The following CCDC50 variants were observed in gnomAD, a reference collection of about 807,000 sequenced individuals.
The protein encoded by CCDC50 is coiled-coil domain containing 50.
A neutral mutation model predicts 70.2 loss-of-function variants in CCDC50; 54 were observed. The ratio of observed to expected loss-of-function variants is 0.77; its 90% confidence interval spans 0.62 to 0.96. CCDC50 has a LOEUF of 0.96. CCDC50 is among the 50% of genes least tolerant of loss of function. The pLI, the probability that CCDC50 is intolerant of heterozygous loss-of-function variation, is 0.00. For missense variants in CCDC50, 558 were observed against 578.7 expected (o/e 0.96, Z 0.37); for synonymous variants, 216 against 198.8 (o/e 1.09, Z -0.73).
Position 191,397,174 on chromosome 3 carries a change from A to C in CCDC50, c.*5414A>C, listed in dbSNP as rs1318581522. On this transcript the variant is annotated 3_prime_UTR_variant, in exon 12 of 12. Transcript: ENST00000392455. ...ATCAAGTAAGGAGTAAGAACAAGTA[A>C]GGGAAGACAGCTAAGAGAACATACT... 1 of 152,218 alleles carries C rather than the reference A, an allele frequency of 6.6e-6. No individual in the cohort carries two copies. Among genetic ancestry groups the C allele is most frequent in the Non-Finnish European group, 1.5e-5 (1 of 68,040 alleles). 9.4% of individuals were successfully genotyped at this position (152,218 alleles called of 1,614,324 possible).
At chr3:191,367,654 C>T (rs778872815) in intron 4 of CCDC50, among the ~76,000 whole-genome samples, 7 of 151,912 alleles carry the variant, frequency 4.6e-5, no homozygotes, top group Admixed American at 1.3e-4. Context: ...TTAATAAAGC[C>T]GTGTCTACCA....
chr3:191,335,925 C>T (rs561178138), intron 1 of CCDC50, among the ~76,000 whole-genome samples: 7 of 150,390 alleles, frequency 4.7e-5, no homozygotes, highest in Non-Finnish European at 8.9e-5. Flanking sequence ...CTTCTCAACC[C>T]CCGTTTCATG....
chr3:191,334,006 G>A (rs1718066441), intron 1 of CCDC50, among the ~76,000 whole-genome samples: 1 of 151,994 alleles, frequency 6.6e-6, no homozygotes, highest in African/African-American at 2.4e-5. Flanking sequence ...TAGAATTTTA[G>A]TAAAATTTTC....
At chr3:191,365,805 C>A (rs911594478) in intron 4 of CCDC50, among the ~76,000 whole-genome samples, 1 of 152,044 alleles carries the variant, frequency 6.6e-6, no homozygotes, top group African/African-American at 2.4e-5. Context: ...ACTCTCTATC[C>A]CTTATACATT....
intron 5 of CCDC50, among the ~76,000 whole-genome samples, chr3:191,370,762 TAC>T (rs1234048561): frequency 6.6e-6 from 1 of 152,144 alleles, no homozygotes; most frequent in African/African-American, 2.4e-5. Flanking sequence ...GTGCTGGGAT[TAC>T]AGATGTGAGC....
chr3:191,344,167 C>T (rs1576951003), intron 1 of CCDC50, among the ~76,000 whole-genome samples: 1 of 152,224 alleles, frequency 6.6e-6, no homozygotes, highest in South Asian at 2.1e-4. Flanking sequence ...TGCATGCATG[C>T]ACATGCAGAA....
At chr3:191,340,783 A>G (rs767950012) in intron 1 of CCDC50, among the ~76,000 whole-genome samples, 21 of 152,204 alleles carry the variant, frequency 1.4e-4, no homozygotes, top group Non-Finnish European at 2.9e-4. Context: ...TTAGACGTGC[A>G]GTAAACTATT....
chr3:191,389,674 T>C (rs1213687964), intron 11 of CCDC50, 72 bp downstream of exon 11: 26 of 1,148,558 alleles, frequency 2.3e-5, no homozygotes, highest in Non-Finnish European at 3.3e-5. Context: ...AGTGGAAAAA[T>C]CAAATTCTGT....
chr3:191,349,966 A>AACCCCCC (rs1712048855), intron 1 of CCDC50, among the ~76,000 whole-genome samples: 1 of 105,618 alleles, frequency 9.5e-6, no homozygotes, highest in African/African-American at 3.1e-5. Context: ...ATTTAATAAT[A>AACCCCCC]CCCCCCCCCT....
In CCDC50 at chr3:191,329,722, A is replaced by G. The variant is rs200522442; in HGVS notation, c.48A>G (p.Glu16=). The G allele has an allele frequency of 5.2e-5, 83 of 1,609,500 alleles. No homozygotes were observed. The East Asian group carries it at 1.6e-3, about 30-fold the overall frequency. Residue 16 remains glutamate, a splice_region_variant and synonymous_variant, in exon 1 of 12, where the codon GAA becomes GAG. Coordinates refer to ENST00000392455, the MANE Select transcript of CCDC50 (RefSeq NM_178335.3). ...AGTCCAAGCTGCCTGGAGTCAAGGA[A>G]GGTAAGGGCCCCGGAGGGAGAGCGC... ...IDQSKLPGVK[E]VCRDFAVLED...
At chr3:191,387,523 T>C (rs1713537320) in intron 10 of CCDC50, among the ~76,000 whole-genome samples, 1 of 149,810 alleles carries the variant, frequency 6.7e-6, no homozygotes, top group Non-Finnish European at 1.5e-5. Flanking sequence ...ATTTGTTCTC[T>C]ATGTAACCTG....
intron 4 of CCDC50, among the ~76,000 whole-genome samples, chr3:191,366,721 A>T (rs755755914): frequency 2.6e-5 from 4 of 151,980 alleles, no homozygotes; most frequent in Non-Finnish European, 4.4e-5. Flanking sequence ...ATGCATCTTA[A>T]AGAGTTATAT....
chr3:191,332,953 T>G (rs1376894184), intron 1 of CCDC50, among the ~76,000 whole-genome samples: 2 of 152,242 alleles, frequency 1.3e-5, no homozygotes, highest in Non-Finnish European at 2.9e-5. Flanking sequence ...TTACCACTTT[T>G]AGCCATGCAG....
chr3:191,346,097 C>T (rs188922624), intron 1 of CCDC50, among the ~76,000 whole-genome samples: 15 of 152,158 alleles, frequency 9.9e-5, no homozygotes, highest in African/African-American at 2.9e-4. Flanking sequence ...GGAAGATTGT[C>T]GACAAATTTG....
At position 191,380,943 on chromosome 3, in the gene CCDC50, TTTTG is replaced by T; in HGVS notation, c.1242+19_1242+22del. On this transcript the variant is annotated intron_variant, in intron 9 of 11. Transcript: ENST00000392455. ...GACCCCGAGTGGAAGGTAGAGTGTG[TTTTG>T]TTTGTTTTCTAATTAGAAATAAAAT... 2.5e-6 allele frequency: 4 copies of T among 1,598,786 alleles called. No homozygotes were observed. The highest frequency in any genetic ancestry group is 3.4e-6 in the Non-Finnish European group (4 of 1,169,504).
At chr3:191,366,186 C>T (rs1712682656) in intron 4 of CCDC50, among the ~76,000 whole-genome samples, 1 of 152,076 alleles carries the variant, frequency 6.6e-6, no homozygotes, top group Admixed American at 6.5e-5. Context: ...AAGATAAGAA[C>T]GTTAATGATA....
chr3:191,366,612 A>T (rs1712698163), intron 4 of CCDC50, among the ~76,000 whole-genome samples: 1 of 152,132 alleles, frequency 6.6e-6, no homozygotes, highest in Admixed American at 6.6e-5. Flanking sequence ...GAGTTTTTTT[A>T]AAATGTGAAC....
chr3:191,347,719 A>G (rs1337584737), intron 1 of CCDC50, among the ~76,000 whole-genome samples: 1 of 141,948 alleles, frequency 7.0e-6, no homozygotes, highest in Non-Finnish European at 1.6e-5. Context: ...TCCTTTCATT[A>G]TAATAAAGCT....
At chr3:191,363,247 T>C (rs572756102) in intron 4 of CCDC50, among the ~76,000 whole-genome samples, 1 of 152,328 alleles carries the variant, frequency 6.6e-6, no homozygotes, top group South Asian at 2.1e-4. Flanking sequence ...AAATTAAGTA[T>C]TAAAGAAGTA....
Sources: gnomAD v4.1 joint callset for allele counts (sites outside exome capture counted in the v4.1 genomes callset) on GRCh38, gnomAD v4.1.1 for gene constraint, MANE v1.5 for transcripts, NCBI Gene and HGNC (gene_info 2026-07-23, HGNC 2026-07-21) for gene names.